HPSE2: variants seen among roughly 807,000 people sequenced by gnomAD.
HPSE2 encodes inactive heparanase-2.
In HPSE2, 38 loss-of-function variants were observed where a neutral mutation model predicts 60.5. That is an observed-to-expected ratio of 0.63 (90% CI 0.48 to 0.82). The LOEUF (loss-of-function observed/expected upper bound fraction) is 0.82, where lower values mean the gene tolerates loss of function less well. HPSE2 is among the 40% of genes least tolerant of loss of function. HPSE2 has a pLI of 0.00. For missense variants in HPSE2, 713 were observed against 740.4 expected (o/e 0.96, Z 0.43); for synonymous variants, 295 against 293.2 (o/e 1.01, Z -0.06).
At chr10:99,153,077 C>G (rs1469030577) in intron 2 of HPSE2, among the ~76,000 whole-genome samples, 8 of 152,244 alleles carry the variant, frequency 5.3e-5, no homozygotes, top group Admixed American at 5.2e-4. Flanking sequence ...GAGATTATAT[C>G]CCGCACATGG....
chr10:99,038,322 A>G (rs1957655814), intron 3 of HPSE2, among the ~76,000 whole-genome samples: 1 of 152,182 alleles, frequency 6.6e-6, no homozygotes, highest in African/African-American at 2.4e-5. Flanking sequence ...ACCATGGTAT[A>G]CTACTTGGCA....
chr10:98,529,105 C>T (rs1180618971), intron 9 of HPSE2, among the ~76,000 whole-genome samples: 1 of 152,230 alleles, frequency 6.6e-6, no homozygotes, highest in Non-Finnish European at 1.5e-5. Context: ...AACTCTTACT[C>T]AACCAACACA....
At chr10:98,809,048 C>A (rs1242141130) in intron 3 of HPSE2, among the ~76,000 whole-genome samples, 1 of 152,120 alleles carries the variant, frequency 6.6e-6, no homozygotes, top group Non-Finnish European at 1.5e-5. Flanking sequence ...AGATATCTAC[C>A]TTCCCAGGTG....
At chr10:98,486,251 T>G (rs919520549) in intron 10 of HPSE2, among the ~76,000 whole-genome samples, 1 of 152,164 alleles carries the variant, frequency 6.6e-6, no homozygotes, top group East Asian at 1.9e-4. Flanking sequence ...GAGGAACATA[T>G]ATTCTCTGAC....
intron 3 of HPSE2, among the ~76,000 whole-genome samples, chr10:98,759,055 A>T (rs1394160840): frequency 1.3e-5 from 2 of 152,108 alleles, no homozygotes; most frequent in Non-Finnish European, 2.9e-5. Context: ...AGAACTGGAG[A>T]CCATTATCCT....
In HPSE2 at chr10:98,743,945, G is replaced by A; in HGVS notation, c.722C>T (p.Ala241Val). 2 of 1,614,014 alleles carry A rather than the reference G, an allele frequency of 1.2e-6. No individual in the cohort carries two copies. Among genetic ancestry groups the A allele is most frequent in the South Asian group, 2.2e-5 (2 of 91,084 alleles). The change falls in exon 4 of 12, where the codon GCC becomes GTC. Residue 241 changes from alanine (A) to valine (V), a missense_variant. Ala to Val is a moderately conservative substitution (Grantham distance 64). Coordinates refer to ENST00000370552, the MANE Select transcript of HPSE2 (RefSeq NM_021828.5). ...GGCGCTGTACTTCAACAGACTCAGGGCACTAGAACTGTTCCAGGAGTTATT... is the reference window on the plus strand; with the variant it reads ...GGCGCTGTACTTCAACAGACTCAGGACACTAGAACTGTTCCAGGAGTTATT... ...NPNNSWNSSS[A>V]LSLLKYSASK...
At chr10:98,965,202 A>G (rs1202877670) in intron 3 of HPSE2, among the ~76,000 whole-genome samples, 2 of 152,174 alleles carry the variant, frequency 1.3e-5, no homozygotes, top group Admixed American at 1.3e-4. Flanking sequence ...TCTAGAAAAT[A>G]AAGTTCCAAT....
chr10:99,095,880 C>T (rs1843702407), intron 3 of HPSE2, among the ~76,000 whole-genome samples: 1 of 152,184 alleles, frequency 6.6e-6, no homozygotes, highest in South Asian at 2.1e-4. Context: ...ATACTTTTCA[C>T]ACTTTTTATT....
chr10:98,849,736 C>G (rs1952121889), intron 3 of HPSE2, among the ~76,000 whole-genome samples: 1 of 152,030 alleles, frequency 6.6e-6, no homozygotes, highest in South Asian at 2.1e-4. Flanking sequence ...TAAGTTGGCC[C>G]TATTTAAGCT....
At chr10:98,711,645 A>G (rs1244112741) in intron 5 of HPSE2, among the ~76,000 whole-genome samples, 1 of 152,128 alleles carries the variant, frequency 6.6e-6, no homozygotes, top group Non-Finnish European at 1.5e-5. Context: ...CAAGAAAACG[A>G]GAAACAAAGG....
the HPSE2 span, among the ~76,000 whole-genome samples, chr10:99,313,326 C>G: frequency 6.6e-6 from 1 of 152,060 alleles, no homozygotes; most frequent in Non-Finnish European, 1.5e-5. Context: ...GTGGAGGTTC[C>G]CATCACTGCA....
Position 98,514,725 on chromosome 10 carries a change from T to G in HPSE2, c.1321-24529A>C, listed in dbSNP as rs547311339. ...TTATATACTTTGTTTTTTTTTTTTTTTTTTTTTTTTTTAGACAGAGTCTTG... is the reference window on the plus strand; with the variant it reads ...TTATATACTTTGTTTTTTTTTTTTTGTTTTTTTTTTTTAGACAGAGTCTTG... On this transcript the variant is annotated intron_variant, in intron 9 of 11. Coordinates refer to ENST00000370552, the MANE Select transcript of HPSE2 (RefSeq NM_021828.5). 1.4e-3 allele frequency among the ~76,000 whole-genome samples: 198 copies of G among 146,448 alleles called. 2 individuals are homozygous for G. Among genetic ancestry groups the G allele is most frequent in the African/African-American group, 4.4e-3 (175 of 39,570 alleles).
intron 3 of HPSE2, among the ~76,000 whole-genome samples, chr10:98,923,209 T>C (rs904057774): frequency 1.3e-5 from 2 of 152,230 alleles, no homozygotes; most frequent in Admixed American, 1.3e-4. Context: ...GCACTTTAAA[T>C]ATCTCATGCC....
intron 3 of HPSE2, among the ~76,000 whole-genome samples, chr10:98,775,342 C>T (rs1331295869): frequency 6.6e-6 from 1 of 152,130 alleles, no homozygotes; most frequent in East Asian, 1.9e-4. Context: ...AGGTCTGGAA[C>T]CCCATCTTAA....
chr10:99,026,378 C>T (rs1957377817), intron 3 of HPSE2, among the ~76,000 whole-genome samples: 1 of 151,914 alleles, frequency 6.6e-6, no homozygotes, highest in Non-Finnish European at 1.5e-5. Context: ...AAATAAAGTA[C>T]TATATAATGA....
Position 99,235,667 on chromosome 10 carries a change from G to GTC in HPSE2, c.134_135dup (p.Pro46AspfsTer5). On this transcript the variant is annotated frameshift_variant, in exon 1 of 12. Coordinates refer to ENST00000370552, the MANE Select transcript of HPSE2 (RefSeq NM_021828.5). LOFTEE classifies it high-confidence loss of function. ...CCTGCAGCTCTGTCTACAGGCAAGG[G>GTC]TCTCCTGTCTCCAGCCTGGGAGGAA... is the stretch of plus-strand genomic sequence containing the variant. 6.2e-7 allele frequency: 1 copy of GTC among 1,613,994 alleles called. No homozygotes were observed. Among genetic ancestry groups the GTC allele is most frequent in the Non-Finnish European group, 8.5e-7 (1 of 1,180,010 alleles).
intron 3 of HPSE2, among the ~76,000 whole-genome samples, chr10:98,990,764 A>G (rs1956503830): frequency 6.6e-6 from 1 of 152,196 alleles, no homozygotes; most frequent in Non-Finnish European, 1.5e-5. Context: ...GGGACATTGG[A>G]GACATTGTTA....
chr10:98,911,889 CT>C (rs1268950590), intron 3 of HPSE2, among the ~76,000 whole-genome samples: 1 of 152,122 alleles, frequency 6.6e-6, no homozygotes, highest in African/African-American at 2.4e-5. Context: ...TAAAACCTGG[CT>C]TTTGTCACAA....
At chr10:99,220,162 T>C (rs942578477) in intron 2 of HPSE2, among the ~76,000 whole-genome samples, 2 of 152,196 alleles carry the variant, frequency 1.3e-5, no homozygotes, top group Non-Finnish European at 2.9e-5. Flanking sequence ...GAATGTACTA[T>C]AGTTATTAAA....
Sources: allele counts gnomAD v4.1 joint callset (sites outside exome capture counted in the v4.1 genomes callset), GRCh38; gene constraint gnomAD v4.1.1; transcripts MANE v1.5; gene names NCBI Gene and HGNC (gene_info 2026-07-23, HGNC 2026-07-21).